The following ZCCHC7 variants were observed in gnomAD, a reference collection of about 807,000 sequenced individuals.
The protein encoded by ZCCHC7 is zinc finger CCHC domain-containing protein 7.
ZCCHC7 carries 35 observed loss-of-function variants against 52.0 expected under a neutral mutation model. The ratio of observed to expected loss-of-function variants is 0.67; its 90% CI spans 0.51 to 0.89. The LOEUF is 0.89. Among genes scored for constraint, ZCCHC7 ranks in the 40% least tolerant of loss-of-function variants. The probability of loss-of-function intolerance (pLI) is 0.00; values close to 1 mark genes in which losing one functional copy is unlikely to be tolerated. For missense variants in ZCCHC7, 574 were observed against 649.1 expected (o/e 0.88, Z 1.26); for synonymous variants, 217 against 221.5 (o/e 0.98, Z 0.18).
chr9:37,189,774 A>G (rs548820606), intron 2 of ZCCHC7, among the ~76,000 whole-genome samples: 4 of 152,266 alleles, frequency 2.6e-5, no homozygotes, highest in South Asian at 2.1e-4. Context: ...TTCCAATGCC[A>G]GTTTCCTTTA....
intron 2 of ZCCHC7, among the ~76,000 whole-genome samples, chr9:37,237,575 T>C (rs1825709280): frequency 6.6e-6 from 1 of 152,230 alleles, no homozygotes; most frequent in Non-Finnish European, 1.5e-5. Context: ...AGGAAGTATA[T>C]GTCTTGTATT....
At chr9:37,334,367 A>C (rs1830565502) in intron 6 of ZCCHC7, among the ~76,000 whole-genome samples, 1 of 151,982 alleles carries the variant, frequency 6.6e-6, no homozygotes, top group East Asian at 1.9e-4. Context: ...AAAGGTCTGA[A>C]GTATTTAGGA....
rs756322365 is a variant in ZCCHC7, at chr9:37,126,813, G to A, written c.481G>A (p.Glu161Lys). The change falls in exon 2 of 9, where the codon GAA (glutamate) becomes AAA (lysine). Residue 161 changes from glutamate (E) to lysine (K), a missense_variant. By Grantham distance (56) the Glu-to-Lys change is moderately conservative. Around this residue, in one of 3 missense-constraint regions of ZCCHC7, gnomAD observed 403 missense variants for 461.2 expected, o/e 0.87. Coordinates refer to ENST00000336755, the MANE Select transcript of ZCCHC7 (RefSeq NM_032226.3). The part of the protein sequence containing the change: ...EVMIIEVSSS[E>K]EEESTISEGD... ...CATGATTATAGAGGTCAGTTCAAGT[G>A]AAGAGGAAGAGAGCACCATTTCAGA... 1 of 1,614,184 alleles carries A rather than the reference G, an allele frequency of 6.2e-7. No homozygotes were observed. Among genetic ancestry groups the A allele is most frequent in the South Asian group, 1.1e-5 (1 of 91,084 alleles).
At chr9:37,194,076 G>A (rs1823158726) in intron 2 of ZCCHC7, among the ~76,000 whole-genome samples, 1 of 152,096 alleles carries the variant, frequency 6.6e-6, no homozygotes, top group South Asian at 2.1e-4. Flanking sequence ...ACACAATTAA[G>A]CACTCTGACC....
intron 5 of ZCCHC7, among the ~76,000 whole-genome samples, chr9:37,323,610 A>C (rs1470502004): frequency 2.6e-5 from 4 of 152,110 alleles, no homozygotes; most frequent in African/African-American, 4.8e-5. Context: ...AGAATGGCAA[A>C]TTTTCATGCA....
At chr9:37,200,606 C>G (rs561341921) in intron 2 of ZCCHC7, among the ~76,000 whole-genome samples, 2 of 152,312 alleles carry the variant, frequency 1.3e-5, no homozygotes, top group African/African-American at 4.8e-5. Flanking sequence ...GCAATACTGG[C>G]TTTTCTGCCT....
intron 2 of ZCCHC7, among the ~76,000 whole-genome samples, chr9:37,223,891 A>G (rs1824957787): frequency 6.6e-6 from 1 of 152,160 alleles, no homozygotes; most frequent in Admixed American, 6.5e-5. Context: ...GTAGTAAAAC[A>G]GCATGCACCC....
At chr9:37,170,873 G>C (rs1821691121) in intron 2 of ZCCHC7, among the ~76,000 whole-genome samples, 1 of 152,068 alleles carries the variant, frequency 6.6e-6, no homozygotes, top group African/African-American at 2.4e-5. Context: ...TCCAATGACT[G>C]TTTGAGGCCT....
intron 2 of ZCCHC7, among the ~76,000 whole-genome samples, chr9:37,218,515 T>G (rs1274581627): frequency 6.6e-6 from 1 of 152,178 alleles, no homozygotes; most frequent in Non-Finnish European, 1.5e-5. Flanking sequence ...TGCATTCAAA[T>G]TGTGTCCTGG....
At chr9:37,217,850 T>C (rs1029795171) in intron 2 of ZCCHC7, among the ~76,000 whole-genome samples, 4 of 152,198 alleles carry the variant, frequency 2.6e-5, no homozygotes, top group Non-Finnish European at 4.4e-5. Context: ...TGAAGATAAA[T>C]CATTTTTTAA....
intron 1 of ZCCHC7, among the ~76,000 whole-genome samples, chr9:37,122,741 C>T (rs1295045986): frequency 2.0e-5 from 3 of 152,196 alleles, no homozygotes; most frequent in Admixed American, 2.0e-4. Context: ...AGTTCGAGAC[C>T]AGCCTGGCCA....
intron 1 of ZCCHC7, chr9:37,121,702 G>A (rs561881314): frequency 6.6e-6 from 1 of 152,326 alleles, no homozygotes; most frequent in East Asian, 1.9e-4. Context: ...AAGGAAAAGG[G>A]CTAAGGGAAA....
intron 2 of ZCCHC7, among the ~76,000 whole-genome samples, chr9:37,262,128 A>G (rs1826894441): frequency 1.3e-5 from 2 of 152,156 alleles, no homozygotes; most frequent in Admixed American, 6.5e-5. Flanking sequence ...CTAGCAACAT[A>G]CAGATCATAA....
At chr9:37,212,026 C>CAAAAAAAAAAAAAAAAAA (rs574190937) in intron 2 of ZCCHC7, among the ~76,000 whole-genome samples, 8 of 55,426 alleles carry the variant, frequency 1.4e-4, no homozygotes, top group Non-Finnish European at 1.3e-4. Context: ...GACTCCGTCT[C>CAAAAAAAAAAAAAAAAAA]AAAAAAAAAA....
intron 5 of ZCCHC7, among the ~76,000 whole-genome samples, chr9:37,311,121 G>C (rs902245955): frequency 1.3e-5 from 2 of 152,098 alleles, no homozygotes; most frequent in Non-Finnish European, 2.9e-5. Context: ...AGCCAATTCT[G>C]TGATACCATA....
chr9:37,264,966 C>G (rs146398874), intron 2 of ZCCHC7, among the ~76,000 whole-genome samples: 1 of 152,166 alleles, frequency 6.6e-6, no homozygotes, highest in Non-Finnish European at 1.5e-5. Context: ...GCATTTCAGT[C>G]TGTATTTCTG....
At chr9:37,327,739 CAA>C (rs1830306468) in intron 5 of ZCCHC7, 58 bp from the exon 6 acceptor site, 1 of 1,599,708 alleles carries the variant, frequency 6.3e-7, no homozygotes, top group African/African-American at 1.3e-5. Flanking sequence ...ATGCCAAAAC[CAA>C]CAGGCTGTAA....
chr9:37,154,399 G>T (rs933423562), intron 2 of ZCCHC7, among the ~76,000 whole-genome samples: 4 of 152,204 alleles, frequency 2.6e-5, no homozygotes, highest in African/African-American at 9.7e-5. Context: ...AAGGTGTCAT[G>T]TAGGCAAGAA....
At chr9:37,123,455 G>C (rs1842412560) in intron 1 of ZCCHC7, among the ~76,000 whole-genome samples, 1 of 152,144 alleles carries the variant, frequency 6.6e-6, no homozygotes, top group East Asian at 1.9e-4. Context: ...GGGCTAAATT[G>C]TTAAATTCAT....
Sources: allele counts gnomAD v4.1 joint callset (sites outside exome capture counted in the v4.1 genomes callset), GRCh38; gene constraint gnomAD v4.1.1; regional missense constraint gnomAD v4.1.1; transcripts MANE v1.5; gene names NCBI Gene and HGNC (gene_info 2026-07-23, HGNC 2026-07-21).